ST6GALNAC3: variants seen among roughly 807,000 people sequenced by gnomAD.
ST6GALNAC3 encodes the protein alpha-N-acetylgalactosaminide alpha-2,6-sialyltransferase 3.
Under a neutral mutation model 32.7 loss-of-function variants are expected in ST6GALNAC3, and 25 were observed. That is an observed-to-expected ratio of 0.76 (90% CI 0.56 to 1.07). The LOEUF is 1.07. Ranked by LOEUF, ST6GALNAC3 falls within the 50% of genes least tolerant of loss-of-function variation. ST6GALNAC3 has a pLI of 0.00. For missense variants in ST6GALNAC3, 355 were observed against 382.4 expected, an observed-to-expected ratio of 0.93 and a Z score of 0.60; for synonymous variants, 129 against 133.1, an observed-to-expected ratio of 0.97 and a Z score of 0.21.
In ST6GALNAC3 at chr1:76,596,409, T is replaced by C. The variant is rs562911324; in HGVS notation, c.624-31043T>C. 2.9e-4 allele frequency among the ~76,000 whole-genome samples: 44 copies of C among 152,300 alleles called. No individual in the cohort carries two copies. The South Asian group carries it at 9.1e-3, about 32-fold the overall frequency. The stretch of plus-strand genomic sequence containing the variant: ...ATTCTGGCACATAGTAGTTGCTCAA[T>C]AGGTATCCTAGAAAGGGAAGGTGAG... On this transcript the variant is annotated intron_variant, in intron 3 of 4. Transcript: ENST00000328299.
chr1:76,529,248 T>C (rs1663104111), intron 3 of ST6GALNAC3, among the ~76,000 whole-genome samples: 1 of 152,190 alleles, frequency 6.6e-6, no homozygotes, highest in South Asian at 2.1e-4. Context: ...TGGCTGCACG[T>C]GTTTCCTTGC....
At chr1:76,368,817 G>A (rs1650589403) in intron 2 of ST6GALNAC3, among the ~76,000 whole-genome samples, 1 of 152,090 alleles carries the variant, frequency 6.6e-6, no homozygotes, top group African/African-American at 2.4e-5. Flanking sequence ...GGCTCCAGTG[G>A]CATTCAGAGG....
At chr1:76,563,554 C>T (rs889333449) in intron 3 of ST6GALNAC3, among the ~76,000 whole-genome samples, 1 of 152,074 alleles carries the variant, frequency 6.6e-6, no homozygotes, top group Non-Finnish European at 1.5e-5. Flanking sequence ...TATTTAGAAC[C>T]CAATTTAACT....
intron 3 of ST6GALNAC3, among the ~76,000 whole-genome samples, chr1:76,503,277 G>T (rs1280960855): frequency 6.6e-6 from 1 of 152,158 alleles, no homozygotes; most frequent in East Asian, 1.9e-4. Flanking sequence ...ACTGATTCTC[G>T]CATTCCTACA....
intron 1 of ST6GALNAC3, among the ~76,000 whole-genome samples, chr1:76,120,156 A>C (rs980103241): frequency 6.6e-6 from 1 of 152,252 alleles, no homozygotes; most frequent in Non-Finnish European, 1.5e-5. Context: ...ATACATCCCC[A>C]TCACTTGGCT....
At chr1:76,619,596 C>A (rs1648509101) in intron 3 of ST6GALNAC3, among the ~76,000 whole-genome samples, 1 of 152,078 alleles carries the variant, frequency 6.6e-6, no homozygotes, top group African/African-American at 2.4e-5. Context: ...TTCCCCAGAT[C>A]CATAAATTTC....
At chr1:76,327,632 C>T (rs554637601) in intron 2 of ST6GALNAC3, among the ~76,000 whole-genome samples, 9 of 152,276 alleles carry the variant, frequency 5.9e-5, no homozygotes, top group East Asian at 3.9e-4. Flanking sequence ...CTGTGTCGCC[C>T]GGGCGGGAGG....
At chr1:76,320,755 T>C (rs77087478) in intron 2 of ST6GALNAC3, among the ~76,000 whole-genome samples, 513 of 152,204 alleles carry the variant, frequency 3.4e-3, no homozygotes, top group Non-Finnish European at 5.5e-3. Context: ...GTAATATATA[T>C]ATACATTCAT....
chr1:76,152,958 C>A lies in ST6GALNAC3; in HGVS notation c.18+78074C>A, dbSNP rs115477702. Among the ~76,000 whole-genome samples the A allele has an allele frequency of 6.7e-3, 1,027 of 152,218 alleles. 13 individuals carry two copies. The highest frequency in any genetic ancestry group is 0.023 in the African/African-American group (954 of 41,526). ...CATTCATAAACCTTTAGGGATATTCCTATTGGAAAATGTTGTGCAAGTCTT... is the reference window on the plus strand; with the variant it reads ...CATTCATAAACCTTTAGGGATATTCATATTGGAAAATGTTGTGCAAGTCTT... On this transcript the variant is annotated intron_variant, in intron 1 of 4. Coordinates refer to ENST00000328299, the MANE Select transcript of ST6GALNAC3 (RefSeq NM_152996.4).
intron 3 of ST6GALNAC3, among the ~76,000 whole-genome samples, chr1:76,531,455 CA>C (rs1557536392): frequency 6.6e-6 from 1 of 152,164 alleles, no homozygotes; most frequent in Non-Finnish European, 1.5e-5. Context: ...TCCATAATAA[CA>C]TGTTTGCTAA....
At chr1:76,387,494 G>T (rs10747347) in intron 2 of ST6GALNAC3, among the ~76,000 whole-genome samples, 43,767 of 151,810 alleles carry the variant, frequency 0.29, 7,617 homozygotes, top group East Asian at 0.6. Flanking sequence ...ATTCTGGTTT[G>T]GGCAGCTTGA....
chr1:76,081,363 C>T (rs1263126292), intron 1 of ST6GALNAC3, among the ~76,000 whole-genome samples: 1 of 151,466 alleles, frequency 6.6e-6, no homozygotes, highest in Non-Finnish European at 1.5e-5. Context: ...TTGTGTTGGG[C>T]CACATTCAAA....
chr1:76,097,486 C>G (rs918412638), intron 1 of ST6GALNAC3, among the ~76,000 whole-genome samples: 1 of 152,136 alleles, frequency 6.6e-6, no homozygotes, highest in African/African-American at 2.4e-5. Context: ...TGCTTGCTCC[C>G]CCTTCTGCCA....
intron 2 of ST6GALNAC3, among the ~76,000 whole-genome samples, chr1:76,354,415 T>C (rs1170618625): frequency 1.3e-5 from 2 of 152,232 alleles, no homozygotes; most frequent in Non-Finnish European, 2.9e-5. Context: ...TCATTCACAA[T>C]GCACATGTTC....
intron 1 of ST6GALNAC3, among the ~76,000 whole-genome samples, chr1:76,159,815 G>C (rs1570251439): frequency 6.6e-6 from 1 of 152,134 alleles, no homozygotes; most frequent in South Asian, 2.1e-4. Context: ...CTGTGCTAAG[G>C]GTTTTCCATG....
At chr1:76,271,440 G>A (rs1658839330) in intron 1 of ST6GALNAC3, among the ~76,000 whole-genome samples, 1 of 152,114 alleles carries the variant, frequency 6.6e-6, no homozygotes, top group South Asian at 2.1e-4. Flanking sequence ...TAGACACTAG[G>A]GCTATAGTAA....
chr1:76,342,970 A>G (rs1648181280), intron 2 of ST6GALNAC3, among the ~76,000 whole-genome samples: 1 of 152,040 alleles, frequency 6.6e-6, no homozygotes, highest in Admixed American at 6.6e-5. Context: ...GATTCTGGAT[A>G]TTAGCCCTTT....
intron 1 of ST6GALNAC3, among the ~76,000 whole-genome samples, chr1:76,263,928 T>G (rs1267543898): frequency 6.6e-6 from 1 of 152,126 alleles, no homozygotes; most frequent in Non-Finnish European, 1.5e-5. Context: ...GAACAACAAC[T>G]AAAAGGCACT....
At chr1:76,330,960 T>C (rs1288604758) in intron 2 of ST6GALNAC3, among the ~76,000 whole-genome samples, 1 of 152,166 alleles carries the variant, frequency 6.6e-6, no homozygotes, top group African/African-American at 2.4e-5. Flanking sequence ...TCCAAGACCA[T>C]AGAGGCAAGA....
Sources: allele counts gnomAD v4.1 joint callset (sites outside exome capture counted in the v4.1 genomes callset), GRCh38; gene constraint gnomAD v4.1.1; transcripts MANE v1.5; gene names NCBI Gene and HGNC (gene_info 2026-07-23, HGNC 2026-07-21).